Variants in MYO5A observed in about 807,000 individuals in gnomAD.
MYO5A encodes the protein myosin VA.
A neutral mutation model predicts 249.7 loss-of-function variants in MYO5A; 98 were observed. The ratio of observed to expected loss-of-function variants is 0.39; its 90% confidence interval spans 0.33 to 0.46. MYO5A has a LOEUF of 0.46. Among genes scored for constraint, MYO5A ranks in the 20% least tolerant of loss-of-function variants. The probability of loss-of-function intolerance (pLI) is 0.98; values close to 1 mark genes in which losing one functional copy is unlikely to be tolerated. For missense variants in MYO5A, 1,696 were observed against 2,308.8 expected, an observed-to-expected ratio of 0.73 and a Z score of 5.44; for synonymous variants, 778 against 810.6, an observed-to-expected ratio of 0.96 and a Z score of 0.68.
chr15:52,330,617 A>C (rs1251627079), intron 34 of MYO5A, 118 bp from the exon 35 acceptor site: 53 of 1,181,210 alleles, frequency 4.5e-5, no homozygotes, highest in Non-Finnish European at 6.0e-5. Flanking sequence ...CATATTTGCC[A>C]CTTAATTGCC....
chr15:52,416,905 A>C (rs920343120), intron 4 of MYO5A, among the ~76,000 whole-genome samples: 5 of 152,140 alleles, frequency 3.3e-5, no homozygotes, highest in Non-Finnish European at 4.4e-5. Flanking sequence ...TCTCAGGGGG[A>C]AATGGATTTT....
chr15:52,476,953 G>A (rs1567163139), intron 1 of MYO5A, among the ~76,000 whole-genome samples: 1 of 152,166 alleles, frequency 6.6e-6, no homozygotes, highest in Non-Finnish European at 1.5e-5. Context: ...TTGCTAGGTT[G>A]GGGAAGTTCT....
intron 4 of MYO5A, among the ~76,000 whole-genome samples, chr15:52,425,070 C>T (rs1458440891): frequency 6.6e-6 from 1 of 152,160 alleles, no homozygotes; most frequent in Non-Finnish European, 1.5e-5. Flanking sequence ...GCCTGGGCAA[C>T]ATAGCAAGAC....
intron 4 of MYO5A, 25 bp from the exon 5 acceptor site, chr15:52,416,326 AG>A: frequency 6.2e-7 from 1 of 1,609,510 alleles, no homozygotes; most frequent in East Asian, 2.2e-5. Context: ...TTTTTTAAAA[AG>A]TAACTGCCAT....
At chr15:52,414,804 C>T (rs1188411484) in intron 5 of MYO5A, among the ~76,000 whole-genome samples, 1 of 152,208 alleles carries the variant, frequency 6.6e-6, no homozygotes, top group Non-Finnish European at 1.5e-5. Context: ...CCAGTATTAA[C>T]ACTAGTGACA....
At chr15:52,500,761 A>C (rs905442680) in intron 1 of MYO5A, among the ~76,000 whole-genome samples, 1 of 151,986 alleles carries the variant, frequency 6.6e-6, no homozygotes, top group East Asian at 1.9e-4. Context: ...AGTACCCTCC[A>C]AATCAGTTCA....
chr15:52,486,865 C>T (rs1482658885), intron 1 of MYO5A, among the ~76,000 whole-genome samples: 1 of 152,102 alleles, frequency 6.6e-6, no homozygotes, highest in Non-Finnish European at 1.5e-5. Flanking sequence ...AGAAGATTCC[C>T]ACGAGGACAC....
In MYO5A at chr15:52,351,325, C is replaced by T; in HGVS notation, c.3778G>A (p.Asp1260Asn). Reference protein sequence around the residue: ...EQLTSVSEELDVRKEEVLILR... With the variant: ...EQLTSVSEELNVRKEEVLILR... ...ATGAGGACTTCCTCCTTGCGGACAT[C>T]AAGCTCCTCGCTCACAGAGGTCAGC... Residue 1260 changes from aspartate to asparagine, a missense_variant, in exon 28 of 42, where the codon GAT becomes AAT. Transcript: ENST00000399233. 12 of 1,614,200 alleles carry T rather than the reference C, an allele frequency of 7.4e-6. No individual in the cohort carries two copies. The highest frequency in any genetic ancestry group is 9.3e-6 in the Non-Finnish European group (11 of 1,180,038).
At chr15:52,478,951 G>A (rs565565503) in intron 1 of MYO5A, among the ~76,000 whole-genome samples, 3 of 152,122 alleles carry the variant, frequency 2.0e-5, no homozygotes, top group African/African-American at 7.2e-5. Flanking sequence ...TCTCAACTGT[G>A]AACAGTGCCA....
chr15:52,330,556 G>A, intron 34 of MYO5A, 57 bp from the exon 35 acceptor site: 2 of 1,594,708 alleles, frequency 1.3e-6, no homozygotes, highest in Non-Finnish European at 1.7e-6. Context: ...AACATGAGAG[G>A]TCTCCAAGTT....
chr15:52,411,819 G>C (rs2043263418), intron 5 of MYO5A, among the ~76,000 whole-genome samples: 2 of 152,198 alleles, frequency 1.3e-5, no homozygotes, highest in African/African-American at 2.4e-5. Flanking sequence ...TTCTGAAATA[G>C]AGTGTAGACA....
intron 1 of MYO5A, among the ~76,000 whole-genome samples, chr15:52,473,044 T>G (rs2141458849): frequency 6.6e-6 from 1 of 152,360 alleles, no homozygotes; most frequent in African/African-American, 2.4e-5. Context: ...CCACATTCTC[T>G]CCGGCACCTG....
chr15:52,503,465 TAA>T (rs11363046), intron 1 of MYO5A, among the ~76,000 whole-genome samples: 10 of 149,766 alleles, frequency 6.7e-5, no homozygotes, highest in Admixed American at 1.3e-4. Flanking sequence ...ATGCTGTCTC[TAA>T]AAAAAAAAAT....
intron 11 of MYO5A, among the ~76,000 whole-genome samples, chr15:52,395,240 T>C (rs984689094): frequency 2.6e-5 from 4 of 152,184 alleles, no homozygotes; most frequent in South Asian, 4.1e-4. Context: ...GATTTCGTTA[T>C]GACACAAACA....
intron 11 of MYO5A, among the ~76,000 whole-genome samples, chr15:52,395,509 C>G (rs1229564844): frequency 6.6e-6 from 1 of 152,192 alleles, no homozygotes; most frequent in Non-Finnish European, 1.5e-5. Flanking sequence ...CCTCTTTCAT[C>G]AACACTAAGA....
chr15:52,413,603 T>C (rs1314541057), intron 5 of MYO5A, among the ~76,000 whole-genome samples: 1 of 152,172 alleles, frequency 6.6e-6, no homozygotes, highest in East Asian at 1.9e-4. Flanking sequence ...AGGGCTCTGA[T>C]ATAGGGACAT....
intron 1 of MYO5A, among the ~76,000 whole-genome samples, chr15:52,440,943 T>C (rs1333598732): frequency 1.3e-5 from 2 of 152,230 alleles, no homozygotes; most frequent in Admixed American, 6.5e-5. Flanking sequence ...CGATAGCCCA[T>C]TGTGAATGTT....
At chr15:52,386,844 G>C (rs759271414) in intron 14 of MYO5A, among the ~76,000 whole-genome samples, 2 of 151,954 alleles carry the variant, frequency 1.3e-5, no homozygotes, top group South Asian at 4.2e-4. Context: ...TACAACACCT[G>C]GTCTCGACTT....
chr15:52,465,031 G>C (rs994523966), intron 1 of MYO5A, among the ~76,000 whole-genome samples: 1 of 152,206 alleles, frequency 6.6e-6, no homozygotes, highest in African/African-American at 2.4e-5. Context: ...CAGGGGCAAG[G>C]AGGGACATTT....
Sources: allele counts gnomAD v4.1 joint callset (sites outside exome capture counted in the v4.1 genomes callset), GRCh38; gene constraint gnomAD v4.1.1; transcripts MANE v1.5; gene names NCBI Gene and HGNC (gene_info 2026-07-23, HGNC 2026-07-21).